The following ZNF609 variants were observed in gnomAD, a reference collection of about 807,000 sequenced individuals.
ZNF609 encodes zinc finger protein 609.
Under a neutral mutation model 109.5 loss-of-function variants are expected in ZNF609, and 11 were observed. The observed-to-expected ratio is 0.10, with a 90% CI of 0.06 to 0.17. The LOEUF is 0.17. Ranked by LOEUF, ZNF609 falls within the 10% of genes least tolerant of loss-of-function variation. The pLI, the probability that ZNF609 is intolerant of heterozygous loss-of-function variation, is 1.00. For synonymous variants in ZNF609, 646 were observed against 662.0 expected (o/e 0.98, Z 0.37); for missense variants, 1,559 against 1,772.4 (o/e 0.88, Z 2.16).
intron 2 of ZNF609, among the ~76,000 whole-genome samples, chr15:64,521,804 A>G (rs929397893): frequency 2.0e-5 from 3 of 152,212 alleles, no homozygotes; most frequent in Non-Finnish European, 2.9e-5. Context: ...GGAAAAAAGG[A>G]AGAGGAATAT....
chr15:64,512,737 T>C (rs981769079), intron 2 of ZNF609, among the ~76,000 whole-genome samples: 6 of 152,136 alleles, frequency 3.9e-5, no homozygotes, highest in Non-Finnish European at 8.8e-5. Flanking sequence ...CTTGCTGAGA[T>C]TTTTAAGTCT....
intron 2 of ZNF609, among the ~76,000 whole-genome samples, chr15:64,543,446 C>CTT (rs1444264335): frequency 1.5e-5 from 2 of 133,234 alleles, no homozygotes; most frequent in Non-Finnish European, 3.3e-5. Context: ...TTGTTTTTTG[C>CTT]TTTTTTTTTT....
intron 2 of ZNF609, among the ~76,000 whole-genome samples, chr15:64,536,663 G>A (rs1047453012): frequency 8.0e-5 from 12 of 150,374 alleles, no homozygotes; most frequent in Non-Finnish European, 1.5e-4. Flanking sequence ...GATCACTAGA[G>A]CTAAGGAGTT....
At chr15:64,463,986 G>A (rs1294903442) in intron 1 of ZNF609, among the ~76,000 whole-genome samples, 1 of 152,108 alleles carries the variant, frequency 6.6e-6, no homozygotes, top group Non-Finnish European at 1.5e-5. Context: ...GGAATCTCAT[G>A]TGAGTCTTCT....
chr15:64,681,212 C>CA, intron 8 of ZNF609, 97 bp from the exon 9 acceptor site: 1 of 1,052,184 alleles, frequency 9.5e-7, no homozygotes, highest in Non-Finnish European at 1.4e-6. Context: ...GGCTGAGTAT[C>CA]AGATTTTTTT....
chr15:64,498,553 G>A (rs960087039), intron 1 of ZNF609, among the ~76,000 whole-genome samples: 7 of 152,088 alleles, frequency 4.6e-5, no homozygotes, highest in South Asian at 2.1e-4. Flanking sequence ...TTTGTGTGTC[G>A]TCCTATTTTA....
intron 3 of ZNF609, among the ~76,000 whole-genome samples, chr15:64,640,295 C>T (rs1007461328): frequency 6.6e-6 from 1 of 152,142 alleles, no homozygotes; most frequent in East Asian, 1.9e-4. Flanking sequence ...ATCTTGGCCT[C>T]CCAACATGCT....
chr15:64,653,346 T>A (rs1479673748), intron 3 of ZNF609, among the ~76,000 whole-genome samples: 4 of 152,066 alleles, frequency 2.6e-5, no homozygotes, highest in Non-Finnish European at 2.9e-5. Flanking sequence ...CATTCTAGAT[T>A]ATAAACTTCC....
chr15:64,610,134 C>T (rs1430356558), intron 2 of ZNF609, among the ~76,000 whole-genome samples: 2 of 152,050 alleles, frequency 1.3e-5, no homozygotes, highest in Non-Finnish European at 2.9e-5. Flanking sequence ...CCCAGGAGTT[C>T]GAGAGCAGCT....
chr15:64,473,008 G>T (rs912430839), intron 1 of ZNF609, among the ~76,000 whole-genome samples: 1 of 151,930 alleles, frequency 6.6e-6, no homozygotes, highest in African/African-American at 2.4e-5. Flanking sequence ...AAAAGACATG[G>T]AATTGTAAAG....
At chr15:64,590,222 T>C (rs1895269670) in intron 2 of ZNF609, among the ~76,000 whole-genome samples, 1 of 152,168 alleles carries the variant, frequency 6.6e-6, no homozygotes, top group African/African-American at 2.4e-5. Context: ...GTATTGAAGT[T>C]TTTGGGTCGG....
intron 1 of ZNF609, among the ~76,000 whole-genome samples, chr15:64,464,248 C>T (rs1245463341): frequency 2.0e-5 from 3 of 152,092 alleles, no homozygotes; most frequent in Non-Finnish European, 4.4e-5. Flanking sequence ...GTGGAAGTGC[C>T]ACTCCTTATT....
Position 64,684,525 on chromosome 15 carries a change from T to C in ZNF609, c.*2839T>C, listed in dbSNP as rs1846636616. The C allele has an allele frequency of 6.6e-6, 1 of 152,346 alleles. No homozygotes were observed. Among genetic ancestry groups the C allele is most frequent in the Admixed American group, 6.5e-5 (1 of 15,282 alleles). 9.4% of individuals were successfully genotyped at this position (152,346 alleles called of 1,614,324 possible). A position where few individuals can be genotyped will look rare whatever the true frequency, so the allele number is the denominator to read the frequency against. ...GTATGGCAGTTCCCTTCATCCCCTT[T>C]TCCTGCCTTGTACATGTACATGTAT... On this transcript the variant is annotated 3_prime_UTR_variant, in exon 10 of 10. Coordinates refer to ENST00000326648, the MANE Select transcript of ZNF609 (RefSeq NM_015042.2).
chr15:64,528,682 A>G (rs1045016491), intron 2 of ZNF609: 45 of 1,170,838 alleles, frequency 3.8e-5, no homozygotes, highest in Non-Finnish European at 5.0e-5. Flanking sequence ...CCTTGGAGGC[A>G]TTGTGGGCCA....
chr15:64,596,997 G>A (rs34328186), intron 2 of ZNF609, among the ~76,000 whole-genome samples: 1 of 152,112 alleles, frequency 6.6e-6, no homozygotes, highest in Non-Finnish European at 1.5e-5. Flanking sequence ...CTGTTCTTCA[G>A]CTTGTTGTGC....
intron 2 of ZNF609, chr15:64,528,997 C>T (rs1399798307): frequency 3.3e-6 from 5 of 1,510,358 alleles, no homozygotes; most frequent in Non-Finnish European, 4.6e-6. Context: ...AGTGAGCTTC[C>T]CGTTCAGCTC....
chr15:64,469,539 T>C (rs1893066042), intron 1 of ZNF609, among the ~76,000 whole-genome samples: 1 of 151,694 alleles, frequency 6.6e-6, no homozygotes, highest in Admixed American at 6.6e-5. Flanking sequence ...ATAGCCGGTA[T>C]TCAGAAGGGC....
intron 1 of ZNF609, among the ~76,000 whole-genome samples, chr15:64,488,048 C>CT (rs1310718295): frequency 6.6e-6 from 1 of 152,038 alleles, no homozygotes; most frequent in Non-Finnish European, 1.5e-5. Context: ...TGGACTAGTC[C>CT]TTTTTTGGGA....
chr15:64,538,486 G>C (rs1044927400), intron 2 of ZNF609, among the ~76,000 whole-genome samples: 2 of 152,192 alleles, frequency 1.3e-5, no homozygotes, highest in African/African-American at 4.8e-5. Flanking sequence ...AGAAGCCAGA[G>C]AGTTTAGTTT....
Sources: allele counts gnomAD v4.1 joint callset (sites outside exome capture counted in the v4.1 genomes callset), GRCh38; gene constraint gnomAD v4.1.1; transcripts MANE v1.5; gene names NCBI Gene and HGNC (gene_info 2026-07-23, HGNC 2026-07-21).